The following PLCB4 variants were observed in gnomAD, a reference collection of about 807,000 sequenced individuals.
PLCB4 encodes the protein phospholipase C beta 4.
Under a neutral mutation model 178.8 loss-of-function variants are expected in PLCB4, and 77 were observed. The observed-to-expected ratio is 0.43, with a 90% CI of 0.36 to 0.52. The LOEUF (loss-of-function observed/expected upper bound fraction) is 0.52. PLCB4 is among the 20% of genes least tolerant of loss of function. The pLI is 0.00. For synonymous variants in PLCB4, 496 were observed against 490.8 expected, an observed-to-expected ratio of 1.01 and a Z score of -0.14; for missense variants, 1,024 against 1,453.4, an observed-to-expected ratio of 0.70 and a Z score of 4.80.
Position 9,361,690 on chromosome 20 carries a change from C to CA in PLCB4, c.370-1200dup, listed in dbSNP as rs1430581406. ...TAAAATTAAAAGAAAGGTTAAACAG[C>CA]AAAAAACAAAACAAAACCATACTCT... On this transcript the variant is annotated intron_variant, in intron 7 of 39. Coordinates refer to ENST00000378473, the MANE Select transcript of PLCB4 (RefSeq NM_001377142.1). Among the ~76,000 whole-genome samples the CA allele has an allele frequency of 8.5e-5, 13 of 152,198 alleles. No homozygotes were observed. In the East Asian group the frequency reaches 1.9e-3, roughly 23 times the overall value.
chr20:9,444,265 A>G, intron 32 of PLCB4, 22 bp downstream of exon 32: 5 of 1,425,374 alleles, frequency 3.5e-6, no homozygotes, highest in Non-Finnish European at 4.9e-6. Flanking sequence ...TACAGCTACT[A>G]TTTTGTGTTA....
chr20:9,222,265 A>AT lies in PLCB4; in HGVS notation c.-16+4821dup, dbSNP rs1004370639. 5.9e-5 allele frequency among the ~76,000 whole-genome samples: 9 copies of AT among 151,380 alleles called. No homozygotes were observed. In the South Asian group the frequency reaches 1.9e-3, roughly 32 times the overall value. On this transcript the variant is annotated intron_variant, in intron 3 of 39. Coordinates refer to ENST00000378473, the MANE Select transcript of PLCB4 (RefSeq NM_001377142.1). ...CTACCATACCTGGCTAATTTGTAAA[A>AT]TTTTTTTTGTAGAGATGGGGTCTAG... is the stretch of plus-strand genomic sequence containing the variant.
intron 13 of PLCB4, among the ~76,000 whole-genome samples, chr20:9,381,387 A>G (rs995272113): frequency 6.6e-6 from 1 of 152,106 alleles, no homozygotes; most frequent in Admixed American, 6.5e-5. Context: ...CCCTACCTTC[A>G]TTCTTTGAAG....
chr20:9,186,896 T>G (rs2093336484), intron 2 of PLCB4, among the ~76,000 whole-genome samples: 1 of 152,160 alleles, frequency 6.6e-6, no homozygotes, highest in African/African-American at 2.4e-5. Context: ...CCTCAGACGC[T>G]GAGACCTCGG....
chr20:9,432,704 A>AC (rs2041507180), intron 28 of PLCB4, among the ~76,000 whole-genome samples: 1 of 152,184 alleles, frequency 6.6e-6, no homozygotes, highest in East Asian at 1.9e-4. Flanking sequence ...GTGCTGAAGG[A>AC]CCTTAATCAT....
intron 3 of PLCB4, among the ~76,000 whole-genome samples, chr20:9,303,611 A>G (rs2094730380): frequency 6.6e-6 from 1 of 152,180 alleles, no homozygotes; most frequent in Admixed American, 6.6e-5. Flanking sequence ...GGTTGATTCC[A>G]TAACTTGGAT....
intron 9 of PLCB4, among the ~76,000 whole-genome samples, chr20:9,368,361 C>T (rs971572290): frequency 2.2e-4 from 34 of 152,198 alleles, no homozygotes; most frequent in Admixed American, 6.5e-4. Context: ...TTTATCCTCC[C>T]ACTCAGACCA....
chr20:9,353,263 G>C (rs1311549136), intron 7 of PLCB4, among the ~76,000 whole-genome samples: 1 of 152,180 alleles, frequency 6.6e-6, no homozygotes, highest in African/African-American at 2.4e-5. Flanking sequence ...TGGCAGCTTA[G>C]CTCCTTTATT....
At chr20:9,352,995 A>T (rs2034480426) in intron 7 of PLCB4, among the ~76,000 whole-genome samples, 1 of 152,184 alleles carries the variant, frequency 6.6e-6, no homozygotes, top group Non-Finnish European at 1.5e-5. Context: ...TCAGACTGTC[A>T]AGAAAAAGAG....
intron 2 of PLCB4, among the ~76,000 whole-genome samples, chr20:9,109,078 GA>G (rs1021377918): frequency 2.0e-4 from 30 of 152,250 alleles, no homozygotes; most frequent in Middle Eastern, 3.4e-3. Flanking sequence ...GAATAGACTT[GA>G]AAATGTATAC....
In PLCB4 at chr20:9,389,859, G is replaced by T. The variant is rs772648257; in HGVS notation, c.1159-20G>T. The T allele has an allele frequency of 2.8e-5, 38 of 1,369,054 alleles. No homozygotes were observed. Among genetic ancestry groups the T allele is most frequent in the Non-Finnish European group, 3.8e-5 (37 of 977,742 alleles). 84.8% of individuals were successfully genotyped at this position (1,369,054 alleles called of 1,614,324 possible). A position where few individuals can be genotyped will look rare whatever the true frequency, so the allele number is the denominator to read the frequency against. Reference sequence around the variant, plus strand: ...TTTTTTGCTCTTTTCTCTCATTAACGTTTTTTTTTGTTTTTAAAGGATGTA... The same window carrying T: ...TTTTTTGCTCTTTTCTCTCATTAACTTTTTTTTTTGTTTTTAAAGGATGTA... On this transcript the variant is annotated intron_variant, in intron 15 of 39. Coordinates refer to ENST00000378473, the MANE Select transcript of PLCB4 (RefSeq NM_001377142.1).
intron 2 of PLCB4, among the ~76,000 whole-genome samples, chr20:9,217,037 TTA>T (rs2093741436): frequency 6.6e-6 from 1 of 152,240 alleles, no homozygotes; most frequent in African/African-American, 2.4e-5. Context: ...TCTAAGGACA[TTA>T]TACTGCTAAT....
intron 2 of PLCB4, among the ~76,000 whole-genome samples, chr20:9,099,000 A>G (rs2091038312): frequency 6.6e-6 from 1 of 151,772 alleles, no homozygotes; most frequent in Non-Finnish European, 1.5e-5. Context: ...AAGGAAATAT[A>G]TATGAATATG....
At chr20:9,173,148 C>T (rs569372836) in intron 2 of PLCB4, among the ~76,000 whole-genome samples, 1 of 152,248 alleles carries the variant, frequency 6.6e-6, no homozygotes, top group African/African-American at 2.4e-5. Flanking sequence ...GGTCTGTGGT[C>T]TGGGGTGTAG....
intron 6 of PLCB4, among the ~76,000 whole-genome samples, chr20:9,338,325 A>G (rs1185472924): frequency 6.6e-6 from 1 of 152,136 alleles, no homozygotes; most frequent in African/African-American, 2.4e-5. Flanking sequence ...TCCAATTGCC[A>G]TATTCCAGGT....
chr20:9,365,878 A>G (rs150675650), intron 9 of PLCB4, among the ~76,000 whole-genome samples: 56 of 152,304 alleles, frequency 3.7e-4, no homozygotes, highest in Middle Eastern at 3.4e-3. Flanking sequence ...TTGTGCACCT[A>G]CTGTGGAAGG....
chr20:9,072,760 G>C (rs1600215359), intron 1 of PLCB4, among the ~76,000 whole-genome samples: 1 of 152,166 alleles, frequency 6.6e-6, no homozygotes, highest in Non-Finnish European at 1.5e-5. Context: ...GGAGATGAAA[G>C]TAATAATGCT....
At chr20:9,396,172 T>C (rs1437465026) in intron 19 of PLCB4, among the ~76,000 whole-genome samples, 1 of 152,222 alleles carries the variant, frequency 6.6e-6, no homozygotes, top group African/African-American at 2.4e-5. Flanking sequence ...GCAGAAATTC[T>C]TAGCCAGAGA....
intron 2 of PLCB4, among the ~76,000 whole-genome samples, chr20:9,150,599 A>G (rs1181467100): frequency 6.6e-6 from 1 of 152,158 alleles, no homozygotes. Context: ...CTAAACATGC[A>G]TCGTCTCGTC....
Sources: gnomAD v4.1 joint callset for allele counts (sites outside exome capture counted in the v4.1 genomes callset) on GRCh38, gnomAD v4.1.1 for gene constraint, MANE v1.5 for transcripts, NCBI Gene and HGNC (gene_info 2026-07-23, HGNC 2026-07-21) for gene names.